The following ANK3 variants were observed in gnomAD, a reference collection of about 807,000 sequenced individuals.
The protein encoded by ANK3 is ankyrin 3.
ANK3 carries 57 observed loss-of-function variants against 370.9 expected under a neutral mutation model. The observed-to-expected ratio is 0.15, with a 90% confidence interval of 0.12 to 0.19. ANK3 has a LOEUF of 0.19. Ranked by LOEUF, ANK3 falls within the 10% of genes least tolerant of loss-of-function variation. The probability of loss-of-function intolerance (pLI) is 1.00; values close to 1 mark genes in which losing one functional copy is unlikely to be tolerated. For synonymous variants in ANK3, 1,929 were observed against 1,946.3 expected (o/e 0.99, Z 0.23); for missense variants, 4,439 against 5,302.1 (o/e 0.84, Z 5.06).
chr10:60,542,275 T>G (rs189263623), intron 2 of ANK3, among the ~76,000 whole-genome samples: 1 of 152,016 alleles, frequency 6.6e-6, no homozygotes, highest in Admixed American at 6.6e-5. Context: ...GTTCTTTTAT[T>G]GAGACTGAGA....
At chr10:60,050,911 A>ATT (rs747517995) in intron 42 of ANK3, among the ~76,000 whole-genome samples, 17 of 141,208 alleles carry the variant, frequency 1.2e-4, no homozygotes, top group Non-Finnish European at 1.9e-4. Context: ...CCTATTTCAG[A>ATT]TTTTTTTTTT....
chr10:60,144,062 A>G, intron 23 of ANK3: 1 of 285,536 alleles, frequency 3.5e-6, no homozygotes, highest in Admixed American at 5.4e-5. Flanking sequence ...TGAAGACACC[A>G]TCTTGGACAT....
chr10:60,301,292 A>ACACG (rs1175359038), intron 1 of ANK3, among the ~76,000 whole-genome samples: 143 of 150,192 alleles, frequency 9.5e-4, no homozygotes, highest in Non-Finnish European at 7.7e-4. Flanking sequence ...ACACATATAC[A>ACACG]CACACATACA....
At chr10:60,375,081 C>T (rs2060595805) in intron 1 of ANK3, among the ~76,000 whole-genome samples, 2 of 152,144 alleles carry the variant, frequency 1.3e-5, no homozygotes, top group Admixed American at 6.5e-5. Context: ...AAAATGGGAA[C>T]AGCCATGTTT....
chr10:60,107,528 C>T (rs1308106097), intron 27 of ANK3, among the ~76,000 whole-genome samples: 1 of 152,194 alleles, frequency 6.6e-6, no homozygotes, highest in Non-Finnish European at 1.5e-5. Context: ...ATCAAACAGA[C>T]AAGTGAACAA....
intron 2 of ANK3, among the ~76,000 whole-genome samples, chr10:60,561,680 T>C (rs1257781455): frequency 6.6e-6 from 1 of 152,212 alleles, no homozygotes; most frequent in Non-Finnish European, 1.5e-5. Flanking sequence ...TCATGCCAAC[T>C]GGGACAGTCC....
chr10:60,693,452 C>T (rs1321141448), intron 1 of ANK3, among the ~76,000 whole-genome samples: 2 of 152,226 alleles, frequency 1.3e-5, no homozygotes, highest in Non-Finnish European at 2.9e-5. Flanking sequence ...GGGCAGGGAA[C>T]AGACAAACAA....
chr10:60,576,482 C>T (rs1015547495), intron 2 of ANK3, among the ~76,000 whole-genome samples: 4 of 152,138 alleles, frequency 2.6e-5, no homozygotes, highest in African/African-American at 9.7e-5. Flanking sequence ...AACACTAACA[C>T]TGAATACAAT....
intron 1 of ANK3, among the ~76,000 whole-genome samples, chr10:60,294,069 A>G (rs2042017578): frequency 6.6e-6 from 1 of 152,244 alleles, no homozygotes; most frequent in African/African-American, 2.4e-5. Context: ...CACATTTTAT[A>G]TATAGCAACT....
intron 7 of ANK3, among the ~76,000 whole-genome samples, chr10:60,261,118 C>T (rs961352597): frequency 2.0e-5 from 3 of 152,126 alleles, no homozygotes; most frequent in Admixed American, 6.6e-5. Flanking sequence ...AGGAAACTGA[C>T]AGACACAGGG....
chr10:60,055,305 T>C (rs2078947381), intron 42 of ANK3, among the ~76,000 whole-genome samples: 1 of 152,034 alleles, frequency 6.6e-6, no homozygotes, highest in Non-Finnish European at 1.5e-5. Flanking sequence ...GAACACGGAG[T>C]GGGAGTTAGG....
In ANK3 at chr10:60,072,870, T is replaced by C; in HGVS notation, c.8011A>G (p.Ser2671Gly). Residue 2671 changes from serine to glycine, a missense_variant, in exon 37 of 44, where the codon AGC becomes GGC. By Grantham distance (56) the Ser-to-Gly change is moderately conservative (BLOSUM62 0). Transcript: ENST00000280772. ...GAGAGAACCATCTTCTCTGGGCTGC[T>C]GGGCAGACTGGGTGCCTTCTCCTCG... ...KAEEKAPSLP[S>G]SPEKMVLSQQ... 6.2e-7 allele frequency: 1 copy of C among 1,614,126 alleles called. No individual in the cohort carries two copies. The highest frequency in any genetic ancestry group is 8.5e-7 in the Non-Finnish European group (1 of 1,180,006).
intron 2 of ANK3, among the ~76,000 whole-genome samples, chr10:60,443,371 T>C (rs1308403783): frequency 6.6e-6 from 1 of 152,154 alleles, no homozygotes; most frequent in East Asian, 1.9e-4. Flanking sequence ...TGCTGTCTCA[T>C]AATCTAGATG....
chr10:60,051,048 C>T (rs997941062), intron 42 of ANK3, among the ~76,000 whole-genome samples: 2 of 152,046 alleles, frequency 1.3e-5, no homozygotes, highest in East Asian at 3.9e-4. Flanking sequence ...GAATTTGAGA[C>T]TGAGAAGGAA....
intron 2 of ANK3, among the ~76,000 whole-genome samples, chr10:60,467,343 C>T (rs1470544913): frequency 6.6e-6 from 1 of 152,120 alleles, no homozygotes; most frequent in Non-Finnish European, 1.5e-5. Flanking sequence ...CTTCCACTCC[C>T]CATACTGCCA....
intron 2 of ANK3, among the ~76,000 whole-genome samples, chr10:60,551,335 A>T (rs1224282564): frequency 6.6e-6 from 1 of 152,150 alleles, no homozygotes; most frequent in Non-Finnish European, 1.5e-5. Context: ...TTACAGAAGG[A>T]ATCCAAGTGA....
At chr10:60,114,429 T>C (rs2092939885) in intron 25 of ANK3, 98 bp from the exon 26 acceptor site, 2 of 504,080 alleles carry the variant, frequency 4.0e-6, no homozygotes, top group Non-Finnish European at 6.8e-6. Flanking sequence ...TAATTCCAGA[T>C]AGACTTACAT....
intron 2 of ANK3, among the ~76,000 whole-genome samples, chr10:60,536,738 A>C (rs2133208744): frequency 6.6e-6 from 1 of 152,100 alleles, no homozygotes; most frequent in Admixed American, 6.6e-5. Flanking sequence ...ATGGGTGACA[A>C]AGCTTTCCAC....
At chr10:60,240,037 A>G (rs941974763) in intron 7 of ANK3, among the ~76,000 whole-genome samples, 1 of 142,594 alleles carries the variant, frequency 7.0e-6, no homozygotes, top group Non-Finnish European at 1.5e-5. Flanking sequence ...ATATATATAC[A>G]CATATATATA....
Sources: gnomAD v4.1 joint callset for allele counts (sites outside exome capture counted in the v4.1 genomes callset) on GRCh38, gnomAD v4.1.1 for gene constraint, MANE v1.5 for transcripts, NCBI Gene and HGNC (gene_info 2026-07-23, HGNC 2026-07-21) for gene names.